Variants in MUC22 observed in about 807,000 individuals in gnomAD.
MUC22 encodes the protein mucin-22.
MUC22 carries 24 observed loss-of-function variants against 40.3 expected under a neutral mutation model. That is an observed-to-expected ratio of 0.60 (90% CI 0.43 to 0.84). The LOEUF is 0.84. Among genes scored for constraint, MUC22 ranks in the 40% least tolerant of loss-of-function variants. MUC22 has a pLI of 0.00. For synonymous variants in MUC22, 765 were observed against 844.5 expected (o/e 0.91, Z 1.63); for missense variants, 1,926 against 2,130.7 (o/e 0.90, Z 1.89).
chr6:31,029,125 G>A (rs1044832810), exon 2 of MUC22: 2 of 1,534,514 alleles, frequency 1.3e-6, no homozygotes, highest in African/African-American at 1.4e-5. Flanking sequence ...CTCTACTGCA[G>A]GCTCAGAGAC....
Position 31,032,578 on chromosome 6 carries a change from T to C in MUC22, c.5052T>C (p.Cys1684=), listed in dbSNP as rs1003493490. The C allele has an allele frequency of 5.2e-6, 8 of 1,532,768 alleles. No individual in the cohort carries two copies. The Admixed American group carries it at 5.9e-5, about 11-fold the overall frequency. 94.9% of individuals were successfully genotyped at this position (1,532,768 alleles called of 1,614,324 possible). A position where few individuals can be genotyped will look rare whatever the true frequency, so the allele number is the denominator to read the frequency against. The change falls in exon 3 of 4, where the codon TGT becomes TGC. Residue 1684 remains cysteine (C), a synonymous_variant. Transcript: ENST00000561890. The surrounding 1 kb of genome is among the most constrained non-coding windows in gnomAD (Gnocchi z 4.1). ...GATTGTCAGTAGGACTGAGTTTTTGTCTGGTGAGTACCCAGGGTGGGTTCA... is the reference window on the plus strand; with the variant it reads ...GATTGTCAGTAGGACTGAGTTTTTGCCTGGTGAGTACCCAGGGTGGGTTCA...
chr6:31,022,558 TAAAA>T (rs77504147), intron 1 of MUC22, among the ~76,000 whole-genome samples: 18,145 of 151,252 alleles, frequency 0.12, 1,263 homozygotes, highest in African/African-American at 0.17. Flanking sequence ...TGGGTAAAAA[TAAAA>T]TTTTTTTCAT....
At chr6:31,021,088 C>T (rs1338806408) in intron 1 of MUC22, among the ~76,000 whole-genome samples, 2 of 152,242 alleles carry the variant, frequency 1.3e-5, no homozygotes, top group Non-Finnish European at 2.9e-5. Flanking sequence ...ACCGACCGCC[C>T]ACGGGCTGAG....
chr6:31,010,510 A>G (rs1305462846), exon 1 of MUC22: 2 of 561,966 alleles, frequency 3.6e-6, no homozygotes, highest in Non-Finnish European at 6.3e-6. Flanking sequence ...ACTGTGGAGC[A>G]ATTTGGGGGC....
At position 31,026,741 on chromosome 6, in the gene MUC22, T is replaced by C. The variant is rs758528681; in HGVS notation, c.1310T>C (p.Ile437Thr). The change falls in exon 2 of 4, where the codon ATC becomes ACC. Residue 437 changes from isoleucine (I) to threonine (T), a missense_variant. Transcript: ENST00000561890. ...GTCTTCACTGCAGGCTCGGAAACCA[T>C]CACACCCTCTACTGCAGGCTCAGAG... 3.1e-5 allele frequency: 45 copies of C among 1,447,912 alleles called. 1 individual carries two copies. The highest frequency in any genetic ancestry group is 2.9e-4 in the African/African-American group (16 of 55,502). The allele number at this position is 1,447,912 out of a possible 1,614,324, so 89.7% of individuals were successfully genotyped here.
At chr6:31,025,965 C>T in exon 2 of MUC22, 2 of 1,534,838 alleles carry the variant, frequency 1.3e-6, no homozygotes, top group Non-Finnish European at 1.7e-6. Flanking sequence ...CCACCATGGC[C>T]TCCACCACAG....
chr6:31,026,573 C>T, exon 2 of MUC22: 3 of 1,501,336 alleles, frequency 2.0e-6, no homozygotes, highest in Non-Finnish European at 8.9e-7. Flanking sequence ...ACAAACTCTA[C>T]TACAAGCTCT....
chr6:31,029,012 A>G, exon 2 of MUC22: 4 of 1,533,452 alleles, frequency 2.6e-6, no homozygotes, highest in Non-Finnish European at 3.5e-6. Flanking sequence ...GAAGGCTCTG[A>G]GCTCACTACA....
upstream of MUC22, among the ~76,000 whole-genome samples, chr6:31,009,356 C>T (rs1259638559): frequency 6.6e-6 from 1 of 152,128 alleles, no homozygotes; most frequent in Non-Finnish European, 1.5e-5. Context: ...CATGAGCCAC[C>T]GCACCCGGCC....
upstream of MUC22, among the ~76,000 whole-genome samples, chr6:31,009,464 C>T (rs1285170747): frequency 6.6e-6 from 1 of 152,220 alleles, no homozygotes; most frequent in African/African-American, 2.4e-5. Context: ...CCTGCCTCCT[C>T]CCCATCAGTG....
chr6:31,027,500 C>T lies in MUC22; in HGVS notation c.2069C>T (p.Thr690Ile), dbSNP rs1028595617. ...GTCTTTGAGACCACTACAGCCTCTA[C>T]TGAAGGCTCTGAGATCACAATAGCC... is the stretch of plus-strand genomic sequence containing the variant. The change falls in exon 2 of 4, where the codon ACT becomes ATT. Residue 690 changes from threonine (T) to isoleucine (I), a missense_variant. Thr to Ile is a moderately conservative substitution (Grantham distance 89). Coordinates refer to ENST00000561890, the Ensembl canonical transcript of MUC22. 3.8e-5 allele frequency: 58 copies of T among 1,531,154 alleles called. No individual in the cohort carries two copies. Among genetic ancestry groups the T allele is most frequent in the Admixed American group, 1.2e-4 (6 of 50,746 alleles). The allele number at this position is 1,531,154 out of a possible 1,614,324, so 94.8% of individuals were successfully genotyped here. A position where few individuals can be genotyped will look rare whatever the true frequency, so the allele number is the denominator to read the frequency against.
rs895434737 is a variant in MUC22 at position 31,032,811 on chromosome 6, G to A, written c.5055+230G>A. Among the ~76,000 whole-genome samples the A allele has an allele frequency of 6.6e-6, 1 of 152,120 alleles. No homozygotes were observed. Among genetic ancestry groups the A allele is most frequent in the African/African-American group, 2.4e-5 (1 of 41,406 alleles). Reference sequence around the variant, plus strand: ...AAGATGGAGTTGGGGCCAAAGTGAAGGGAAATACTGACAGAACAAGGGAAA... The same window carrying A: ...AAGATGGAGTTGGGGCCAAAGTGAAAGGAAATACTGACAGAACAAGGGAAA... On this transcript the variant is annotated intron_variant, in intron 3 of 3. Coordinates refer to ENST00000561890, the Ensembl canonical transcript of MUC22. The surrounding 1 kb of genome is among the most constrained non-coding windows in gnomAD (Gnocchi z 4.1).
Position 31,028,160 on chromosome 6 carries a change from C to T in MUC22, c.2729C>T (p.Thr910Ile), listed in dbSNP as rs1175314916. ...GACTCTGAGACCACCATGGTCTCTA[C>T]CACAGGCTCTGAGAGGACCATCACC... The change falls in exon 2 of 4, where the codon ACC becomes ATC. Residue 910 changes from threonine (T) to isoleucine (I), a missense_variant. Around this residue, in one of 3 missense-constraint regions of MUC22, gnomAD observed 1,281 missense variants for 1,337.8 expected, o/e 0.96. Coordinates refer to ENST00000561890, the Ensembl canonical transcript of MUC22. The T allele has an allele frequency of 1.7e-5, 26 of 1,534,330 alleles. 1 individual carries two copies. The South Asian group carries it at 2.6e-4, about 15-fold the overall frequency.
chr6:31,014,907 G>A (rs1425869243), intron 1 of MUC22, among the ~76,000 whole-genome samples: 1 of 152,132 alleles, frequency 6.6e-6, no homozygotes, highest in African/African-American at 2.4e-5. Flanking sequence ...AGAGACAGGA[G>A]GCATGGCACT....
intron 1 of MUC22, among the ~76,000 whole-genome samples, chr6:31,012,647 C>T (rs1386206509): frequency 6.6e-6 from 1 of 152,188 alleles, no homozygotes; most frequent in Non-Finnish European, 1.5e-5. Context: ...TATTTCCTAA[C>T]AAAAGGGAGC....
Position 31,012,304 on chromosome 6 carries a change from G to A in MUC22, c.70+1528G>A, listed in dbSNP as rs184357462. Among the ~76,000 whole-genome samples, 336 of 152,222 alleles carry A rather than the reference G, an allele frequency of 2.2e-3. 3 individuals are homozygous for A. The highest frequency in any genetic ancestry group is 5.9e-3 in the African/African-American group (247 of 41,534). ...CCACTCTGGATTCGCTCCCTCGCCC[G>A]CTTCAGCACTTCCCTCGGCGTTCTT... On this transcript the variant is annotated intron_variant, in intron 1 of 3. Transcript: ENST00000561890.
upstream of MUC22, among the ~76,000 whole-genome samples, chr6:31,009,577 A>C (rs1012126042): frequency 1.3e-5 from 2 of 152,324 alleles, no homozygotes; most frequent in African/African-American, 4.8e-5. Context: ...GCCTTCCAAA[A>C]GAGACACTTT....
At chr6:31,018,916 T>C (rs1764469618) in intron 1 of MUC22, among the ~76,000 whole-genome samples, 2 of 151,692 alleles carry the variant, frequency 1.3e-5, no homozygotes, top group Admixed American at 6.6e-5. Context: ...ATCTGAGTGA[T>C]GCAGTGGCCA....
Position 31,027,245 on chromosome 6 carries a change from CCA to C in MUC22, c.1816_1817del (p.Thr606HisfsTer8). On this transcript the variant is annotated frameshift_variant, in exon 2 of 4. Coordinates refer to ENST00000561890, the Ensembl canonical transcript of MUC22. LOFTEE classifies it high-confidence loss of function. The stretch of plus-strand genomic sequence containing the variant: ...ACAGTCTCTACCACAGGCTCTGAGA[CCA>C]CCACAGCCTCCATCATGGGCTCTGA... 3.5e-6 allele frequency: 5 copies of C among 1,446,538 alleles called. 1 individual carries two copies. Among genetic ancestry groups the C allele is most frequent in the Non-Finnish European group, 4.6e-6 (5 of 1,091,978 alleles). 89.6% of individuals were successfully genotyped at this position (1,446,538 alleles called of 1,614,324 possible).
Sources: gnomAD v4.1 joint callset for allele counts (sites outside exome capture counted in the v4.1 genomes callset) on GRCh38, gnomAD v4.1.1 for gene constraint, gnomAD v4.1.1 regional missense constraint, Gnocchi (gnomAD v3.1) non-coding constraint, MANE v1.5 for transcripts, NCBI Gene and HGNC (gene_info 2026-07-23, HGNC 2026-07-21) for gene names.